The following FBXL20 variants were observed in gnomAD, a reference collection of about 807,000 sequenced individuals.
FBXL20 encodes F-box and leucine rich repeat protein 20.
FBXL20 carries 11 observed loss-of-function variants against 64.0 expected under a neutral mutation model. The observed-to-expected ratio is 0.17, with a 90% CI of 0.11 to 0.28. The LOEUF (loss-of-function observed/expected upper bound fraction) is 0.28, where lower values mean the gene tolerates loss of function less well. Ranked by LOEUF, FBXL20 falls within the 10% of genes least tolerant of loss-of-function variation. The probability of loss-of-function intolerance (pLI) is 1.00; values close to 1 mark genes in which losing one functional copy is unlikely to be tolerated. For missense variants in FBXL20, 303 were observed against 526.2 expected (o/e 0.58, Z 4.15); for synonymous variants, 184 against 189.0 (o/e 0.97, Z 0.22).
At chr17:39,370,958 C>T (rs999861122) in intron 1 of FBXL20, among the ~76,000 whole-genome samples, 3 of 152,082 alleles carry the variant, frequency 2.0e-5, no homozygotes, top group African/African-American at 7.2e-5. Context: ...TTGGCTCACG[C>T]CTATAATCCC....
At chr17:39,344,877 A>G (rs2047617903) in intron 1 of FBXL20, among the ~76,000 whole-genome samples, 1 of 152,246 alleles carries the variant, frequency 6.6e-6, no homozygotes, top group Non-Finnish European at 1.5e-5. Context: ...AACTGCCACC[A>G]TAGTGGCATC....
intron 12 of FBXL20, among the ~76,000 whole-genome samples, chr17:39,266,566 C>T (rs1287672835): frequency 6.6e-6 from 1 of 152,092 alleles, no homozygotes; most frequent in Non-Finnish European, 1.5e-5. Flanking sequence ...AGGCTGGTCT[C>T]GAACTCCTGG....
chr17:39,312,283 CAG>C (rs2047241787), intron 2 of FBXL20, among the ~76,000 whole-genome samples: 1 of 151,608 alleles, frequency 6.6e-6, no homozygotes, highest in African/African-American at 2.4e-5. Context: ...GGTGTGGTGG[CAG>C]GCACCTCTAA....
intron 2 of FBXL20, among the ~76,000 whole-genome samples, chr17:39,320,457 C>T (rs1441008803): frequency 6.6e-6 from 1 of 152,054 alleles, no homozygotes; most frequent in Non-Finnish European, 1.5e-5. Context: ...CACGGTTTAC[C>T]AACTTCTGAC....
chr17:39,340,846 T>C (rs991543168), intron 2 of FBXL20, among the ~76,000 whole-genome samples: 1 of 151,922 alleles, frequency 6.6e-6, no homozygotes, highest in East Asian at 1.9e-4. Flanking sequence ...TTAAAACTTT[T>C]AAAGATATAT....
At chr17:39,315,816 T>TGA (rs1350670159) in intron 2 of FBXL20, among the ~76,000 whole-genome samples, 11 of 61,348 alleles carry the variant, frequency 1.8e-4, no homozygotes, top group South Asian at 6.2e-4. Flanking sequence ...TGAGAGAGAG[T>TGA]GAGAGAGAGA....
chr17:39,262,782 A>G lies in FBXL20; in HGVS notation c.1204-1215T>C, dbSNP rs914218514. Reference sequence around the variant, plus strand: ...GGGAGGCTGAAGCGGGCGGATCACGAGGTCAGGAGGTCGAGACCATCCTGG... The same window carrying G: ...GGGAGGCTGAAGCGGGCGGATCACGGGGTCAGGAGGTCGAGACCATCCTGG... On this transcript the variant is annotated intron_variant, in intron 14 of 14. Transcript: ENST00000264658. 1.1e-4 allele frequency among the ~76,000 whole-genome samples: 16 copies of G among 149,376 alleles called. 1 individual carries two copies. Among genetic ancestry groups the G allele is most frequent in the South Asian group, 6.4e-4 (3 of 4,692 alleles).
At chr17:39,309,716 TGCGAG>T (rs1445647571) in intron 2 of FBXL20, among the ~76,000 whole-genome samples, 1 of 147,408 alleles carries the variant, frequency 6.8e-6, no homozygotes, top group Non-Finnish European at 1.5e-5. Flanking sequence ...TGTTTGAACC[TGCGAG>T]GCGCAGGTTG....
chr17:39,369,448 G>A (rs187728852), intron 1 of FBXL20, among the ~76,000 whole-genome samples: 135 of 151,922 alleles, frequency 8.9e-4, no homozygotes, highest in African/African-American at 3.0e-3. Context: ...AGCAGACAGG[G>A]TTTCACCATG....
At chr17:39,363,827 C>CACAAAAAA (rs2047827081) in intron 1 of FBXL20, among the ~76,000 whole-genome samples, 33 of 78,028 alleles carry the variant, frequency 4.2e-4, no homozygotes, top group Non-Finnish European at 7.0e-4. Flanking sequence ...AAAAAAAAAA[C>CACAAAAAA]AAAAAACAAA....
intron 1 of FBXL20, 118 bp downstream of exon 1, chr17:39,401,243 C>A: frequency 6.4e-7 from 1 of 1,573,044 alleles, no homozygotes; most frequent in East Asian, 2.4e-5. Context: ...TCTGGCAGCC[C>A]CGCCAGTGGG....
intron 2 of FBXL20, among the ~76,000 whole-genome samples, chr17:39,316,008 T>C (rs1023438700): frequency 2.0e-5 from 3 of 152,118 alleles, no homozygotes; most frequent in African/African-American, 7.2e-5. Flanking sequence ...CACTTGAACC[T>C]TAGAGTTCAA....
chr17:39,271,800 A>C (rs1397369148), intron 10 of FBXL20, among the ~76,000 whole-genome samples: 5 of 152,146 alleles, frequency 3.3e-5, no homozygotes, highest in Non-Finnish European at 7.4e-5. Context: ...TACCAACCAC[A>C]GGATTGGGGA....
intron 1 of FBXL20, among the ~76,000 whole-genome samples, chr17:39,376,624 C>A (rs538283484): frequency 9.2e-5 from 14 of 152,152 alleles, no homozygotes; most frequent in Non-Finnish European, 1.9e-4. Context: ...CAAAGTGTGC[C>A]CCTACACAAA....
intron 1 of FBXL20, among the ~76,000 whole-genome samples, chr17:39,344,997 T>C (rs2047619057): frequency 6.6e-6 from 1 of 152,170 alleles, no homozygotes; most frequent in African/African-American, 2.4e-5. Flanking sequence ...AGATCATGAC[T>C]GTAAGCTTAT....
intron 1 of FBXL20, among the ~76,000 whole-genome samples, chr17:39,363,858 A>C (rs1677902555): frequency 1.3e-5 from 2 of 148,552 alleles, no homozygotes; most frequent in South Asian, 4.2e-4. Context: ...ATAAAAAGTA[A>C]GTAATGAAAC....
intron 2 of FBXL20, among the ~76,000 whole-genome samples, chr17:39,330,873 A>G (rs967482099): frequency 6.6e-6 from 1 of 152,248 alleles, no homozygotes; most frequent in Non-Finnish European, 1.5e-5. Context: ...AAAGGAGTAC[A>G]TGTACAAAGT....
upstream of FBXL20, chr17:39,402,489 G>A (rs1250855728): frequency 6.0e-6 from 2 of 331,182 alleles, no homozygotes; most frequent in Non-Finnish European, 1.1e-5. Flanking sequence ...GGGGTCGGGG[G>A]TGCAGGGCTG....
In FBXL20 at chr17:39,269,522, CAG is replaced by C. The variant is rs1394621110; in HGVS notation, c.889-653_889-652del. Among the ~76,000 whole-genome samples, 9 of 109,780 alleles carry C rather than the reference CAG, an allele frequency of 8.2e-5. No individual in the cohort carries two copies. In the East Asian group the frequency reaches 1.9e-3, roughly 24 times the overall value. 72.0% of individuals were successfully genotyped at this position (109,780 alleles called of 152,430 possible). A position where few individuals can be genotyped will look rare whatever the true frequency, so the allele number is the denominator to read the frequency against. ...CTCTTTTTTTTTTTTTTTTTTGAGA[CAG>C]AGTTTCGCTCGTTGCCCAGACTGGA... On this transcript the variant is annotated intron_variant, in intron 11 of 14. Transcript: ENST00000264658.
Sources: gnomAD v4.1 joint callset for allele counts (sites outside exome capture counted in the v4.1 genomes callset) on GRCh38, gnomAD v4.1.1 for gene constraint, MANE v1.5 for transcripts, NCBI Gene and HGNC (gene_info 2026-07-23, HGNC 2026-07-21) for gene names.